The following SEPHS1 variants were observed in gnomAD, a reference collection of about 807,000 sequenced individuals.
SEPHS1 encodes the protein selenophosphate synthetase 1.
SEPHS1 carries 7 observed loss-of-function variants against 39.2 expected under a neutral mutation model. The ratio of observed to expected loss-of-function variants is 0.18; its 90% CI spans 0.10 to 0.34. SEPHS1 has a LOEUF of 0.34. Ranked by LOEUF, SEPHS1 falls within the 10% of genes least tolerant of loss-of-function variation. The pLI, the probability that SEPHS1 is intolerant of heterozygous loss-of-function variation, is 1.00. For synonymous variants in SEPHS1, 190 were observed against 195.5 expected (o/e 0.97, Z 0.23); for missense variants, 253 against 514.5 (o/e 0.49, Z 4.92).
rs546888952 is a variant in SEPHS1 at position 13,347,028 on chromosome 10, G to T, written c.-79+972C>A. On this transcript the variant is annotated intron_variant, in intron 1 of 8. Coordinates refer to ENST00000327347, the MANE Select transcript of SEPHS1 (RefSeq NM_012247.5). ...TGGGAAGGGGGAGGGGGTTCTGGGG[G>T]AAATGTGCAGTGATTAGGGAACCAG... 2.0e-5 allele frequency among the ~76,000 whole-genome samples: 3 copies of T among 152,218 alleles called. No individual in the cohort carries two copies. In the South Asian group the frequency reaches 6.2e-4, roughly 32 times the overall value.
chr10:13,318,215 T>G lies in SEPHS1; in HGVS notation c.*927A>C, dbSNP rs1564439244. 1.3e-5 allele frequency: 2 copies of G among 152,570 alleles called. No individual in the cohort carries two copies. Among genetic ancestry groups the G allele is most frequent in the Non-Finnish European group, 2.9e-5 (2 of 68,034 alleles). The allele number at this position is 152,570 out of a possible 1,614,324, so 9.5% of individuals were successfully genotyped here. A position where few individuals can be genotyped will look rare whatever the true frequency, so the allele number is the denominator to read the frequency against. On this transcript the variant is annotated 3_prime_UTR_variant, in exon 9 of 9. Transcript: ENST00000327347. ...GCAAAGGACAAAATAATGCTAAGAA[T>G]TAGGCCAAACAGCTGCTGATTTTAA...
chr10:13,320,986 G>A (rs1833093689), intron 8 of SEPHS1, among the ~76,000 whole-genome samples: 1 of 152,200 alleles, frequency 6.6e-6, no homozygotes, highest in Non-Finnish European at 1.5e-5. Context: ...TGCCCTGTTG[G>A]AGCTTACTTC....
rs761742901 is a variant in SEPHS1, at chr10:13,319,398, C to T, written c.965-42G>A. 1.6e-5 allele frequency: 25 copies of T among 1,597,442 alleles called. No individual in the cohort carries two copies. In the Admixed American group the frequency reaches 4.3e-4, roughly 28 times the overall value. ...AGAATGACTGTTAGTGTTGACATGACAGCAGCTTCTCTGCCTCTGCTGCTT... is the reference window on the plus strand; with the variant it reads ...AGAATGACTGTTAGTGTTGACATGATAGCAGCTTCTCTGCCTCTGCTGCTT... On this transcript the variant is annotated intron_variant, in intron 8 of 8. Coordinates refer to ENST00000327347, the MANE Select transcript of SEPHS1 (RefSeq NM_012247.5).
intron 3 of SEPHS1, among the ~76,000 whole-genome samples, chr10:13,336,897 TC>T (rs550915683): frequency 4.9e-4 from 75 of 152,332 alleles, no homozygotes; most frequent in African/African-American, 1.6e-3. Flanking sequence ...ACGCCTGTAA[TC>T]CCAGCAATTT....
chr10:13,329,643 A>G, intron 6 of SEPHS1, 55 bp downstream of exon 6: 1 of 1,378,520 alleles, frequency 7.3e-7, no homozygotes. Flanking sequence ...TCCAACAAAA[A>G]TTACCTGCAA....
intron 2 of SEPHS1, among the ~76,000 whole-genome samples, chr10:13,341,170 T>A (rs1287045836): frequency 3.9e-5 from 6 of 152,138 alleles, no homozygotes; most frequent in Non-Finnish European, 7.3e-5. Flanking sequence ...ACCAATCACA[T>A]TTCAAGGAAG....
At chr10:13,326,303 A>T (rs1833288356) in intron 7 of SEPHS1, among the ~76,000 whole-genome samples, 2 of 151,852 alleles carry the variant, frequency 1.3e-5, no homozygotes, top group South Asian at 4.2e-4. Context: ...GTGAAAACCC[A>T]TCTCTACTAA....
intron 2 of SEPHS1, among the ~76,000 whole-genome samples, chr10:13,343,919 T>C (rs1039487471): frequency 5.3e-5 from 8 of 152,222 alleles, no homozygotes; most frequent in African/African-American, 1.9e-4. Context: ...TCTTGTACTG[T>C]GTACTTAATA....
intron 8 of SEPHS1, among the ~76,000 whole-genome samples, chr10:13,320,228 T>C (rs556426112): frequency 1.3e-3 from 194 of 151,866 alleles, no homozygotes; most frequent in Non-Finnish European, 2.2e-3. Flanking sequence ...GTCTCCCAGG[T>C]TGGATTGCAG....
chr10:13,346,241 CAT>C (rs1309180407), intron 1 of SEPHS1, among the ~76,000 whole-genome samples: 3 of 152,178 alleles, frequency 2.0e-5, no homozygotes, highest in Admixed American at 6.5e-5. Context: ...GAAAAAACAA[CAT>C]GTGTTCCTCG....
In SEPHS1 at chr10:13,345,898, A is replaced by T. The variant is rs144872146; in HGVS notation, c.-78-870T>A. Among the ~76,000 whole-genome samples, 592 of 152,310 alleles carry T rather than the reference A, an allele frequency of 3.9e-3. 5 individuals are homozygous for T. Among genetic ancestry groups the T allele is most frequent in the African/African-American group, 0.014 (564 of 41,558 alleles). On this transcript the variant is annotated intron_variant, in intron 1 of 8. Transcript: ENST00000327347. ...TCAAATAAAAAATAAAAAAATACACAATGCAATCCAAAACTAATAGGAGTC... is the reference window on the plus strand; with the variant it reads ...TCAAATAAAAAATAAAAAAATACACTATGCAATCCAAAACTAATAGGAGTC...
chr10:13,340,198 C>T (rs539763837), intron 2 of SEPHS1, among the ~76,000 whole-genome samples: 2 of 152,096 alleles, frequency 1.3e-5, no homozygotes, highest in African/African-American at 4.8e-5. Context: ...CCAGATCTTT[C>T]CTGCTGCAAA....
At chr10:13,327,040 C>G (rs1296404530) in intron 7 of SEPHS1, among the ~76,000 whole-genome samples, 2 of 151,868 alleles carry the variant, frequency 1.3e-5, no homozygotes, top group Non-Finnish European at 2.9e-5. Context: ...GAGTTCGAGA[C>G]CAGCCTGGCC....
Position 13,318,895 on chromosome 10 carries a change from A to G in SEPHS1, c.*247T>C. Reference sequence around the variant, plus strand: ...GTGTCTAAAGATTCAAAATGAATCAACAGTATTGGATAACAATATAATTCT... The same window carrying G: ...GTGTCTAAAGATTCAAAATGAATCAGCAGTATTGGATAACAATATAATTCT... On this transcript the variant is annotated 3_prime_UTR_variant, in exon 9 of 9. Transcript: ENST00000327347. 2.1e-6 allele frequency: 1 copy of G among 481,436 alleles called. No individual in the cohort carries two copies. The highest frequency in any genetic ancestry group is 3.6e-6 in the Non-Finnish European group (1 of 275,290). The allele number at this position is 481,436 out of a possible 1,614,324, so 29.8% of individuals were successfully genotyped here.
chr10:13,333,622 G>T (rs1833534085), intron 5 of SEPHS1, among the ~76,000 whole-genome samples, 195 bp downstream of exon 5: 1 of 151,892 alleles, frequency 6.6e-6, no homozygotes, highest in Non-Finnish European at 1.5e-5. Flanking sequence ...TGTATTTTTA[G>T]TAGAGACAGG....
Position 13,317,889 on chromosome 10 carries a change from G to C in SEPHS1, c.*1253C>G, listed in dbSNP as rs568329515. The C allele has an allele frequency of 2.0e-5, 3 of 152,038 alleles. No individual in the cohort carries two copies. The highest frequency in any genetic ancestry group is 2.9e-5 in the Non-Finnish European group (2 of 68,022). 9.4% of individuals were successfully genotyped at this position (152,038 alleles called of 1,614,324 possible). On this transcript the variant is annotated 3_prime_UTR_variant, in exon 9 of 9. Transcript: ENST00000327347. Reference sequence around the variant, plus strand: ...AAGCCTCCACTTTACATAACACAGAGAACACCTTTTTAGATTGCCTATTTA... The same window carrying C: ...AAGCCTCCACTTTACATAACACAGACAACACCTTTTTAGATTGCCTATTTA...
intron 6 of SEPHS1, 95 bp downstream of exon 6, chr10:13,329,603 T>C (rs905739427): frequency 1.5e-5 from 13 of 875,472 alleles, no homozygotes; most frequent in Admixed American, 4.2e-5. Flanking sequence ...TCCCTGGATA[T>C]GAAACTAAAA....
chr10:13,328,624 T>C (rs1833375903), intron 6 of SEPHS1, among the ~76,000 whole-genome samples, 174 bp from the exon 7 acceptor site: 1 of 152,228 alleles, frequency 6.6e-6, no homozygotes, highest in Admixed American at 6.5e-5. Flanking sequence ...AGGTGTCCAT[T>C]AGACCTGTCA....
rs572606733 is a variant in SEPHS1, at chr10:13,321,451, T to C, written c.964+1384A>G. Among the ~76,000 whole-genome samples, 5 of 152,200 alleles carry C rather than the reference T, an allele frequency of 3.3e-5. No homozygotes were observed. The South Asian group carries it at 6.2e-4, about 19-fold the overall frequency. On this transcript the variant is annotated intron_variant, in intron 8 of 8. Transcript: ENST00000327347. ...TTAGTAGAGACAGGGTTTCACCATG[T>C]TGGTCAGGCTGGTCTCGAACTCCTG...
Sources: allele counts gnomAD v4.1 joint callset (sites outside exome capture counted in the v4.1 genomes callset), GRCh38; gene constraint gnomAD v4.1.1; transcripts MANE v1.5; gene names NCBI Gene and HGNC (gene_info 2026-07-23, HGNC 2026-07-21).